Variants in GALNTL5 observed in about 807,000 individuals in gnomAD.
GALNTL5 encodes the protein inactive polypeptide N-acetylgalactosaminyltransferase-like protein 5.
A neutral mutation model predicts 51.0 loss-of-function variants in GALNTL5; 44 were observed. That is an observed-to-expected ratio of 0.86 (90% CI 0.68 to 1.11). The LOEUF (loss-of-function observed/expected upper bound fraction) is 1.11. GALNTL5 is among the 50% of genes least tolerant of loss of function. The pLI is 0.00. For missense variants in GALNTL5, 528 were observed against 531.8 expected, an observed-to-expected ratio of 0.99 and a Z score of 0.07; for synonymous variants, 192 against 182.8, an observed-to-expected ratio of 1.05 and a Z score of -0.41.
intron 3 of GALNTL5, 77 bp from the exon 4 acceptor site, chr7:151,982,909 A>G (rs1316802715): frequency 6.2e-7 from 1 of 1,611,382 alleles, no homozygotes; most frequent in East Asian, 2.2e-5. Flanking sequence ...GCAAATAAGG[A>G]GAAGTGTTTG....
At chr7:151,967,589 C>T in intron 2 of GALNTL5, 96 bp downstream of exon 2, 2 of 1,016,698 alleles carry the variant, frequency 2.0e-6, no homozygotes, top group Non-Finnish European at 2.9e-6. Context: ...CTTTTTAAAG[C>T]AATTTACTTT....
At chr7:152,018,771 A>G (rs1465597248) in intron 8 of GALNTL5, among the ~76,000 whole-genome samples, 1 of 152,152 alleles carries the variant, frequency 6.6e-6, no homozygotes, top group Non-Finnish European at 1.5e-5. Context: ...TAGGGGTGGC[A>G]GAATGCGATG....
chr7:151,987,056 T>G, intron 4 of GALNTL5, 103 bp from the exon 5 acceptor site: 1 of 1,032,024 alleles, frequency 9.7e-7, no homozygotes, highest in Non-Finnish European at 1.4e-6. Context: ...TTAGAACTTC[T>G]GTGGAATAGC....
intron 5 of GALNTL5, among the ~76,000 whole-genome samples, chr7:151,997,348 C>T (rs1046225293): frequency 2.0e-5 from 3 of 152,160 alleles, no homozygotes; most frequent in South Asian, 2.1e-4. Flanking sequence ...CCGAAACTCT[C>T]GAAGGCAGCA....
chr7:151,999,892 C>T (rs1482038565), intron 5 of GALNTL5, among the ~76,000 whole-genome samples: 1 of 152,038 alleles, frequency 6.6e-6, no homozygotes, highest in Non-Finnish European at 1.5e-5. Context: ...TTAGACTGAC[C>T]ACGATAAAGA....
At chr7:151,995,367 T>A (rs2081485940) in intron 5 of GALNTL5, 2 of 102,746 alleles carry the variant, frequency 1.9e-5, no homozygotes, top group African/African-American at 5.2e-5. Flanking sequence ...TTTTTTTTTT[T>A]TTTTTTTTTT....
In GALNTL5 at chr7:152,008,793, G is replaced by C. The variant is rs2081689098; in HGVS notation, c.1026+849G>C. Among the ~76,000 whole-genome samples, 2 of 151,852 alleles carry C rather than the reference G, an allele frequency of 1.3e-5. 1 individual carries two copies. Among genetic ancestry groups the C allele is most frequent in the South Asian group, 4.2e-4 (2 of 4,808 alleles). ...ATTCTCATGTTCCCTTTGGACGTAG[G>C]CATTATTTTATAACGCTCATGCCTT... On this transcript the variant is annotated intron_variant, in intron 7 of 8. Transcript: ENST00000392800.
At chr7:151,993,485 A>C (rs1267504895) in intron 5 of GALNTL5, among the ~76,000 whole-genome samples, 1 of 152,070 alleles carries the variant, frequency 6.6e-6, no homozygotes, top group East Asian at 1.9e-4. Context: ...GTGATTTTGA[A>C]AGTTTCCAAA....
At chr7:151,962,704 G>A (rs1378829192) in intron 1 of GALNTL5, among the ~76,000 whole-genome samples, 2 of 151,958 alleles carry the variant, frequency 1.3e-5, no homozygotes, top group Non-Finnish European at 2.9e-5. Flanking sequence ...CACCTCCCGG[G>A]TTCACACAAT....
At position 151,985,233 on chromosome 7, in the gene GALNTL5, C is replaced by G. The variant is rs1024919948; in HGVS notation, c.536-1926C>G. Among the ~76,000 whole-genome samples the G allele has an allele frequency of 2.6e-4, 39 of 152,252 alleles. 1 individual carries two copies. The highest frequency in any genetic ancestry group is 2.2e-3 in the Admixed American group (34 of 15,296). On this transcript the variant is annotated intron_variant, in intron 4 of 8. Transcript: ENST00000392800. ...TTGGTGGGGACACAAACATACCGGC[C>G]GTAAGATCTGTCAACGTTCTCATAC... is the stretch of plus-strand genomic sequence containing the variant.
intron 4 of GALNTL5, 107 bp downstream of exon 4, chr7:151,983,259 C>A: frequency 1.1e-6 from 1 of 900,616 alleles, no homozygotes; most frequent in Non-Finnish European, 1.8e-6. Context: ...CTCACTGCAA[C>A]CTCTGCCTCC....
intron 5 of GALNTL5, among the ~76,000 whole-genome samples, chr7:151,989,313 G>C (rs1237455853): frequency 1.3e-5 from 2 of 151,294 alleles, no homozygotes; most frequent in Non-Finnish European, 2.9e-5. Flanking sequence ...ACCACACCCA[G>C]CTAATTTTTT....
chr7:151,993,443 C>A (rs1206280686), intron 5 of GALNTL5, among the ~76,000 whole-genome samples: 2 of 152,042 alleles, frequency 1.3e-5, no homozygotes, highest in Non-Finnish European at 2.9e-5. Context: ...TTGATTTCCT[C>A]TTTAATCCAC....
At chr7:151,997,425 G>C (rs2081513930) in intron 5 of GALNTL5, among the ~76,000 whole-genome samples, 1 of 152,214 alleles carries the variant, frequency 6.6e-6, no homozygotes, top group South Asian at 2.1e-4. Flanking sequence ...CTGTGAAGGA[G>C]AGAAATCAGC....
At chr7:151,962,399 T>G (rs2081001784) in intron 1 of GALNTL5, among the ~76,000 whole-genome samples, 1 of 150,474 alleles carries the variant, frequency 6.6e-6, no homozygotes, top group African/African-American at 2.4e-5. Context: ...TTCTTCTAGT[T>G]TATTTTTCCT....
At chr7:151,993,061 A>AC (rs2081447908) in intron 5 of GALNTL5, among the ~76,000 whole-genome samples, 2 of 152,056 alleles carry the variant, frequency 1.3e-5, no homozygotes. Flanking sequence ...AACAGGGAGA[A>AC]CCCCCATCTC....
At chr7:151,979,884 A>C (rs532955880) in intron 3 of GALNTL5, among the ~76,000 whole-genome samples, 2 of 152,286 alleles carry the variant, frequency 1.3e-5, no homozygotes, top group East Asian at 3.9e-4. Flanking sequence ...ACCAACATCA[A>C]ACTGAAGGGA....
intron 8 of GALNTL5, among the ~76,000 whole-genome samples, chr7:152,018,387 G>T (rs530774491): frequency 2.0e-5 from 3 of 152,182 alleles, no homozygotes; most frequent in African/African-American, 7.2e-5. Context: ...AATCAGATAG[G>T]TTAAAAAACA....
Position 151,971,076 on chromosome 7 carries a change from T to C in GALNTL5, c.368+11T>C. 6.3e-7 allele frequency: 1 copy of C among 1,592,004 alleles called. No homozygotes were observed. ...TACCAGGAGTAAAATGTATGTTGTCTCTCTCTTTCTCTCATTCTCTAGATA... is the reference window on the plus strand; with the variant it reads ...TACCAGGAGTAAAATGTATGTTGTCCCTCTCTTTCTCTCATTCTCTAGATA... On this transcript the variant is annotated intron_variant, in intron 3 of 8. Transcript: ENST00000392800.
Sources: gnomAD v4.1 joint callset for allele counts (sites outside exome capture counted in the v4.1 genomes callset) on GRCh38, gnomAD v4.1.1 for gene constraint, MANE v1.5 for transcripts, NCBI Gene and HGNC (gene_info 2026-07-23, HGNC 2026-07-21) for gene names.